RAB6B: variants seen among roughly 807,000 people sequenced by gnomAD.
The protein encoded by RAB6B is ras-related protein Rab-6B.
RAB6B carries 7 observed loss-of-function variants against 31.2 expected under a neutral mutation model. The observed-to-expected ratio is 0.22, with a 90% CI of 0.13 to 0.42. The LOEUF (loss-of-function observed/expected upper bound fraction) is 0.42, where lower values mean the gene tolerates loss of function less well. RAB6B is among the 10% of genes least tolerant of loss of function. The pLI is 1.00. For synonymous variants in RAB6B, 105 were observed against 104.9 expected (o/e 1.00, Z -0.01); for missense variants, 149 against 280.6 (o/e 0.53, Z 3.35).
At chr3:133,885,498 C>A in intron 1 of RAB6B, 1 of 702,450 alleles carries the variant, frequency 1.4e-6, no homozygotes, top group Non-Finnish European at 2.6e-6. Flanking sequence ...GGGGGACTCA[C>A]ACATCCAATG....
At chr3:133,849,075 C>G (rs1459165929) in intron 2 of RAB6B, among the ~76,000 whole-genome samples, 1 of 152,158 alleles carries the variant, frequency 6.6e-6, no homozygotes, top group Non-Finnish European at 1.5e-5. Flanking sequence ...CTTTGTATGT[C>G]TGGGCCTTTT....
In RAB6B at chr3:133,828,071, G is replaced by A. The variant is rs892323388; in HGVS notation, c.*717C>T. The A allele has an allele frequency of 5.9e-6, 4 of 681,716 alleles. No homozygotes were observed. The highest frequency in any genetic ancestry group is 1.1e-5 in the Non-Finnish European group (4 of 372,290). 42.2% of individuals were successfully genotyped at this position (681,716 alleles called of 1,614,324 possible). A position where few individuals can be genotyped will look rare whatever the true frequency, so the allele number is the denominator to read the frequency against. On this transcript the variant is annotated 3_prime_UTR_variant, in exon 8 of 8. Transcript: ENST00000285208. ...GCCTGTACCCTCAACCCCCTTCAAG[G>A]CTTTTCAGGGAAAGAGAAGGAGAGG...
intron 2 of RAB6B, among the ~76,000 whole-genome samples, chr3:133,853,596 T>C (rs1936032355): frequency 6.6e-6 from 1 of 151,882 alleles, no homozygotes; most frequent in African/African-American, 2.4e-5. Context: ...TCAAACATAC[T>C]TGGATGGGGT....
chr3:133,885,984 T>G (rs1471340551), intron 1 of RAB6B, among the ~76,000 whole-genome samples: 1 of 152,186 alleles, frequency 6.6e-6, no homozygotes, highest in African/African-American at 2.4e-5. Flanking sequence ...TCCATGAGCA[T>G]GTCCCTCTGG....
chr3:133,838,421 G>A (rs1935773866), intron 5 of RAB6B, among the ~76,000 whole-genome samples, 162 bp from the exon 6 acceptor site: 1 of 152,160 alleles, frequency 6.6e-6, no homozygotes, highest in Non-Finnish European at 1.5e-5. Context: ...ACCAACCACA[G>A]TCTCGCTAGC....
At chr3:133,839,471 G>T in intron 5 of RAB6B, 35 bp downstream of exon 5, 1 of 1,524,108 alleles carries the variant, frequency 6.6e-7, no homozygotes, top group Non-Finnish European at 9.1e-7. Flanking sequence ...AGGAGTGGAG[G>T]GTGGCACCCT....
intron 1 of RAB6B, among the ~76,000 whole-genome samples, chr3:133,890,528 C>A (rs1034944518): frequency 5.9e-5 from 9 of 152,112 alleles, no homozygotes; most frequent in African/African-American, 2.2e-4. Flanking sequence ...TTGCTTGAAC[C>A]CGGGAGGCGG....
intron 2 of RAB6B, among the ~76,000 whole-genome samples, chr3:133,861,833 C>T (rs529001939): frequency 6.6e-6 from 1 of 152,284 alleles, no homozygotes; most frequent in South Asian, 2.1e-4. Context: ...CAAGACAGCT[C>T]TGCCAGGTTG....
At chr3:133,887,292 A>G (rs868177345) in intron 1 of RAB6B, among the ~76,000 whole-genome samples, 21 of 152,158 alleles carry the variant, frequency 1.4e-4, no homozygotes, top group African/African-American at 5.1e-4. Context: ...AACCAGAGCC[A>G]AGCACATCTT....
chr3:133,856,861 A>G (rs1260973771), intron 2 of RAB6B, among the ~76,000 whole-genome samples: 2 of 152,174 alleles, frequency 1.3e-5, no homozygotes, highest in African/African-American at 4.8e-5. Context: ...AGTGATTGGC[A>G]TTCAGATTTC....
intron 2 of RAB6B, among the ~76,000 whole-genome samples, chr3:133,843,486 A>T (rs1356056997): frequency 6.6e-6 from 1 of 152,226 alleles, no homozygotes. Context: ...AGCAGGTAGA[A>T]GTCTCTCAAC....
chr3:133,859,354 G>C (rs1936126940), intron 2 of RAB6B, among the ~76,000 whole-genome samples: 1 of 152,156 alleles, frequency 6.6e-6, no homozygotes, highest in South Asian at 2.1e-4. Context: ...AGAAAAAAGT[G>C]CTCAGTAACC....
chr3:133,826,183 C>T lies in RAB6B; in HGVS notation c.*2605G>A, dbSNP rs778842198. On this transcript the variant is annotated 3_prime_UTR_variant, in exon 8 of 8. Coordinates refer to ENST00000285208, the MANE Select transcript of RAB6B (RefSeq NM_016577.4). The stretch of plus-strand genomic sequence containing the variant: ...AGATGGGAGGATGGGAGGAAGCCAC[C>T]CTCAGCCTCAGAGGCCAAGGGGCTG... The T allele has an allele frequency of 2.6e-5, 4 of 152,182 alleles. No individual in the cohort carries two copies. Among genetic ancestry groups the T allele is most frequent in the Non-Finnish European group, 4.4e-5 (3 of 68,086 alleles). The allele number at this position is 152,182 out of a possible 1,614,324, so 9.4% of individuals were successfully genotyped here.
chr3:133,855,136 A>G (rs1056296417), intron 2 of RAB6B, among the ~76,000 whole-genome samples: 3 of 152,252 alleles, frequency 2.0e-5, no homozygotes, highest in African/African-American at 7.2e-5. Context: ...TAACCATTAA[A>G]TGAAAGTATC....
At position 133,827,567 on chromosome 3, in the gene RAB6B, C is replaced by G. The variant is rs946904446; in HGVS notation, c.*1221G>C. ...GGAGACCCCACCTGAACCACATCCT[C>G]AGGTGACCACAGCGCAGCCACAGTA... On this transcript the variant is annotated 3_prime_UTR_variant, in exon 8 of 8. Transcript: ENST00000285208. 1.7e-5 allele frequency: 5 copies of G among 296,478 alleles called. No homozygotes were observed. The highest frequency in any genetic ancestry group is 3.1e-5 in the Non-Finnish European group (5 of 158,854). 18.4% of individuals were successfully genotyped at this position (296,478 alleles called of 1,614,324 possible). A position where few individuals can be genotyped will look rare whatever the true frequency, so the allele number is the denominator to read the frequency against.
intron 2 of RAB6B, among the ~76,000 whole-genome samples, chr3:133,861,308 G>C (rs942216949): frequency 2.6e-5 from 4 of 152,222 alleles, no homozygotes; most frequent in African/African-American, 9.6e-5. Flanking sequence ...ATTTAGATGA[G>C]GTGATGGGCA....
At position 133,845,413 on chromosome 3, in the gene RAB6B, G is replaced by A. The variant is rs775681817; in HGVS notation, c.130-3750C>T. Among the ~76,000 whole-genome samples, 127 of 152,210 alleles carry A rather than the reference G, an allele frequency of 8.3e-4. 1 individual carries two copies. The highest frequency in any genetic ancestry group is 1.2e-3 in the Non-Finnish European group (85 of 68,034). On this transcript the variant is annotated intron_variant, in intron 2 of 7. Transcript: ENST00000285208. Reference sequence around the variant, plus strand: ...CGTCCCTTCCACCACTGAGGACACAGCATAAAGGTGACATTTTTGAAGCAG... The same window carrying A: ...CGTCCCTTCCACCACTGAGGACACAACATAAAGGTGACATTTTTGAAGCAG...
intron 1 of RAB6B, among the ~76,000 whole-genome samples, chr3:133,876,081 CTGTGTT>C (rs1177108267): frequency 6.6e-6 from 1 of 152,222 alleles, no homozygotes; most frequent in East Asian, 1.9e-4. Flanking sequence ...AATACCCCTA[CTGTGTT>C]TGGGGAGGTC....
intron 2 of RAB6B, among the ~76,000 whole-genome samples, chr3:133,847,751 T>A (rs971334086): frequency 1.3e-5 from 2 of 152,242 alleles, no homozygotes; most frequent in Admixed American, 1.3e-4. Flanking sequence ...GATTATCAAG[T>A]CATGAGGACA....
Sources: allele counts gnomAD v4.1 joint callset (sites outside exome capture counted in the v4.1 genomes callset), GRCh38; gene constraint gnomAD v4.1.1; transcripts MANE v1.5; gene names NCBI Gene and HGNC (gene_info 2026-07-23, HGNC 2026-07-21).